Variants in LDHC observed in about 807,000 individuals in gnomAD.
LDHC encodes the protein L-lactate dehydrogenase C chain.
A neutral mutation model predicts 30.2 loss-of-function variants in LDHC; 20 were observed. That is an observed-to-expected ratio of 0.66 (90% CI 0.47 to 0.96). LDHC has a LOEUF of 0.96. Among genes scored for constraint, LDHC ranks in the 40% least tolerant of loss-of-function variants. The pLI is 0.00. For missense variants in LDHC, 362 were observed against 394.9 expected, an observed-to-expected ratio of 0.92 and a Z score of 0.71; for synonymous variants, 139 against 132.7, an observed-to-expected ratio of 1.05 and a Z score of -0.32.
chr11:18,441,328 T>C (rs553378721), intron 6 of LDHC, among the ~76,000 whole-genome samples: 1 of 151,864 alleles, frequency 6.6e-6, no homozygotes, highest in Non-Finnish European at 1.5e-5. Context: ...TTTTCTTTTT[T>C]TTTTATTTGA....
intron 5 of LDHC, among the ~76,000 whole-genome samples, chr11:18,435,342 T>C (rs73438674): frequency 0.15 from 23,239 of 152,088 alleles, 2,003 homozygotes; most frequent in African/African-American, 0.23. Flanking sequence ...TAACACCATC[T>C]GCCTTAGTAC....
At chr11:18,423,050 C>A (rs1482634767) in intron 3 of LDHC, among the ~76,000 whole-genome samples, 1 of 151,636 alleles carries the variant, frequency 6.6e-6, no homozygotes, top group East Asian at 1.9e-4. Flanking sequence ...GGAGGCTGGG[C>A]GCAGTAGCTC....
chr11:18,434,832 C>T lies in LDHC; in HGVS notation c.511C>T (p.Arg171Cys), dbSNP rs201168555. ...SGCNLDSARF[R>C]YLIGEKLGVH... The stretch of plus-strand genomic sequence containing the variant: ...TTGTAATCTAGACTCTGCCCGTTTC[C>T]GTTACCTAATTGGAGAAAAGTTGGG... Residue 171 changes from arginine (R) to cysteine (C), a missense_variant, in exon 5 of 8, where the codon CGT becomes TGT. By Grantham distance (180) the Arg-to-Cys change is radical (BLOSUM62 -3). Coordinates refer to ENST00000541669, the MANE Select transcript of LDHC (RefSeq NM_017448.5). 4.3e-5 allele frequency: 69 copies of T among 1,612,226 alleles called. No homozygotes were observed. The Admixed American group carries it at 5.2e-4, about 12-fold the overall frequency.
In LDHC at chr11:18,419,168, T is replaced by C. The variant is rs542174815; in HGVS notation, c.244+3867T>C. 8.5e-5 allele frequency among the ~76,000 whole-genome samples: 13 copies of C among 152,342 alleles called. No homozygotes were observed. The South Asian group carries it at 2.5e-3, about 29-fold the overall frequency. ...TAGATATTTTAGGCTTTTCCAGCTA[T>C]GTAGTTCCTATTATACCTACTCAAC... is the stretch of plus-strand genomic sequence containing the variant. On this transcript the variant is annotated intron_variant, in intron 3 of 7. Transcript: ENST00000541669.
At chr11:18,444,603 G>GATAT (rs1565057770) in intron 6 of LDHC, among the ~76,000 whole-genome samples, 8 of 75,668 alleles carry the variant, frequency 1.1e-4, no homozygotes, top group Non-Finnish European at 1.8e-4. Context: ...GTGTTCAGGT[G>GATAT]GTATATATAT....
At chr11:18,449,557 C>T (rs1273888590) in intron 7 of LDHC, among the ~76,000 whole-genome samples, 1 of 150,790 alleles carries the variant, frequency 6.6e-6, no homozygotes, top group Admixed American at 6.6e-5. Flanking sequence ...CAGTGGCTTT[C>T]CATAGCTAGG....
chr11:18,445,658 A>C (rs1414666959), intron 6 of LDHC, among the ~76,000 whole-genome samples: 1 of 152,168 alleles, frequency 6.6e-6, no homozygotes, highest in East Asian at 1.9e-4. Flanking sequence ...ATTTAAAAAA[A>C]GGGTAAATTA....
intron 7 of LDHC, among the ~76,000 whole-genome samples, chr11:18,448,346 C>T (rs1848590601): frequency 6.6e-6 from 1 of 152,130 alleles, no homozygotes; most frequent in African/African-American, 2.4e-5. Flanking sequence ...TGCAGTGGCG[C>T]AATCTCAGCT....
chr11:18,447,518 G>A (rs1469126457), intron 7 of LDHC, among the ~76,000 whole-genome samples: 1 of 152,094 alleles, frequency 6.6e-6, no homozygotes, highest in African/African-American at 2.4e-5. Flanking sequence ...AGTGAAAAAA[G>A]TCTAGAGAGT....
chr11:18,415,435 A>G (rs934107781), intron 3 of LDHC, 134 bp downstream of exon 3: 6 of 569,428 alleles, frequency 1.1e-5, no homozygotes, highest in South Asian at 7.5e-5. Context: ...TTAGTTGATC[A>G]ATTTTTTTTG....
intron 3 of LDHC, among the ~76,000 whole-genome samples, chr11:18,421,753 C>G (rs113725670): frequency 0.15 from 22,687 of 152,068 alleles, 1,876 homozygotes; most frequent in African/African-American, 0.21. Context: ...AAATGATCCT[C>G]CTGCCTCACT....
chr11:18,416,154 T>C (rs1383607923), intron 3 of LDHC, among the ~76,000 whole-genome samples: 2 of 152,224 alleles, frequency 1.3e-5, no homozygotes, highest in African/African-American at 4.8e-5. Flanking sequence ...AACTGATGTA[T>C]AAATGCTTTT....
intron 3 of LDHC, among the ~76,000 whole-genome samples, chr11:18,421,138 C>G (rs1848040460): frequency 6.6e-6 from 1 of 152,100 alleles, no homozygotes; most frequent in African/African-American, 2.4e-5. Context: ...TCTGCACCCT[C>G]CACCTCCCAG....
intron 3 of LDHC, among the ~76,000 whole-genome samples, chr11:18,416,246 C>T (rs924136643): frequency 6.6e-6 from 1 of 151,962 alleles, no homozygotes; most frequent in African/African-American, 2.4e-5. Flanking sequence ...TACATTTATC[C>T]ATATTCTTTA....
In LDHC at chr11:18,447,074, A is replaced by AC. The variant is rs1314946570; in HGVS notation, c.834+741_834+742insC. On this transcript the variant is annotated intron_variant, in intron 7 of 7. Transcript: ENST00000541669. ...AGGGGCAGGAGTTAACAAAAAGAGAATGTGTACTGATGCATGTAGATTTGT... is the reference window on the plus strand; with the variant it reads ...AGGGGCAGGAGTTAACAAAAAGAGAACTGTGTACTGATGCATGTAGATTTGT... Among the ~76,000 whole-genome samples, 5 of 152,036 alleles carry AC rather than the reference A, an allele frequency of 3.3e-5. No individual in the cohort carries two copies. The East Asian group carries it at 7.7e-4, about 23-fold the overall frequency.
At chr11:18,434,949 T>G in intron 5 of LDHC, 36 bp downstream of exon 5, 1 of 1,403,120 alleles carries the variant, frequency 7.1e-7, no homozygotes, top group Non-Finnish European at 1.0e-6. Flanking sequence ...GTGACTACCC[T>G]TCTTATCTCT....
At chr11:18,423,212 G>C (rs955747219) in intron 3 of LDHC, among the ~76,000 whole-genome samples, 11 of 152,102 alleles carry the variant, frequency 7.2e-5, no homozygotes, top group Admixed American at 6.6e-5. Context: ...TGTAGTCCCA[G>C]CTACTCAAGA....
intron 3 of LDHC, among the ~76,000 whole-genome samples, chr11:18,418,691 T>C (rs921063078): frequency 6.6e-6 from 1 of 152,042 alleles, no homozygotes; most frequent in African/African-American, 2.4e-5. Context: ...CCTCCCAAAG[T>C]GCTGGGATTA....
At chr11:18,415,145 A>G in intron 2 of LDHC, 39 bp from the exon 3 acceptor site, 1 of 1,140,558 alleles carries the variant, frequency 8.8e-7, no homozygotes. Flanking sequence ...CCTAAAACTT[A>G]AGTAGGAACA....
Sources: gnomAD v4.1 joint callset for allele counts (sites outside exome capture counted in the v4.1 genomes callset) on GRCh38, gnomAD v4.1.1 for gene constraint, MANE v1.5 for transcripts, NCBI Gene and HGNC (gene_info 2026-07-23, HGNC 2026-07-21) for gene names.